ITPRID1: variants seen among roughly 807,000 people sequenced by gnomAD.
The protein encoded by ITPRID1 is protein ITPRID1.
In ITPRID1, 96 loss-of-function variants were observed where a neutral mutation model predicts 95.4. The observed-to-expected ratio is 1.01, with a 90% CI of 0.85 to 1.19. The LOEUF (loss-of-function observed/expected upper bound fraction) is 1.19, where lower values mean the gene tolerates loss of function less well. Ranked by LOEUF, ITPRID1 falls within the 50% of genes most tolerant of loss-of-function variation. The pLI, the probability that ITPRID1 is intolerant of heterozygous loss-of-function variation, is 0.00. For missense variants in ITPRID1, 1,339 were observed against 1,252.9 expected (o/e 1.07, Z -1.04); for synonymous variants, 510 against 453.6 (o/e 1.12, Z -1.58).
chr7:31,569,646 T>A (rs941295773), intron 5 of ITPRID1, 112 bp from the exon 6 acceptor site: 1 of 858,152 alleles, frequency 1.2e-6, no homozygotes, highest in African/African-American at 1.7e-5. Flanking sequence ...TTCATGCCTA[T>A]ATAACCTTGG....
chr7:31,603,982 C>T (rs1786508633), intron 10 of ITPRID1, among the ~76,000 whole-genome samples: 1 of 152,162 alleles, frequency 6.6e-6, no homozygotes, highest in African/African-American at 2.4e-5. Flanking sequence ...TTGATGCCTG[C>T]CTTTACCATA....
chr7:31,626,392 G>T (rs1027001508), intron 10 of ITPRID1, among the ~76,000 whole-genome samples: 3 of 152,208 alleles, frequency 2.0e-5, no homozygotes, highest in Non-Finnish European at 4.4e-5. Flanking sequence ...GTTCTAAGAA[G>T]TGTCACTGAT....
At chr7:31,580,384 C>T (rs1163761487) in intron 9 of ITPRID1, among the ~76,000 whole-genome samples, 1 of 151,642 alleles carries the variant, frequency 6.6e-6, no homozygotes, top group Non-Finnish European at 1.5e-5. Flanking sequence ...AACCCATTGT[C>T]AAGCCTCGTC....
chr7:31,537,760 A>G (rs1342807254), intron 1 of ITPRID1, among the ~76,000 whole-genome samples: 1 of 152,170 alleles, frequency 6.6e-6, no homozygotes, highest in African/African-American at 2.4e-5. Flanking sequence ...TGAATTCACA[A>G]AATAAGAATG....
rs1011032442 is a variant in ITPRID1, at chr7:31,655,532, G to A, written c.*2703G>A. 1.3e-5 allele frequency among the ~76,000 whole-genome samples: 2 copies of A among 152,130 alleles called. No individual in the cohort carries two copies. The highest frequency in any genetic ancestry group is 2.9e-5 in the Non-Finnish European group (2 of 68,040). ...TACCCAGAAAGTACTTTTAGAATAA[G>A]CCAGAGAATGAGAGAGAAATCACAG... On this transcript the variant is annotated 3_prime_UTR_variant, in exon 15 of 15. Transcript: ENST00000615280.
chr7:31,540,284 A>G (rs1237051757), intron 1 of ITPRID1, among the ~76,000 whole-genome samples: 1 of 152,086 alleles, frequency 6.6e-6, no homozygotes, highest in South Asian at 2.1e-4. Flanking sequence ...ACCCTCAGTT[A>G]TTAGTTGTCA....
intron 10 of ITPRID1, among the ~76,000 whole-genome samples, chr7:31,624,670 T>C (rs1788271083): frequency 6.6e-6 from 1 of 150,388 alleles, no homozygotes; most frequent in East Asian, 1.9e-4. Context: ...ATAAAAACCC[T>C]AGAAGAAAAC....
At chr7:31,623,798 G>C (rs568204397) in intron 10 of ITPRID1, among the ~76,000 whole-genome samples, 3 of 152,086 alleles carry the variant, frequency 2.0e-5, no homozygotes, top group Admixed American at 1.3e-4. Flanking sequence ...AGGAAATAAA[G>C]GGTATTCAAT....
chr7:31,620,577 CAGAA>C (rs1210968249), intron 10 of ITPRID1, among the ~76,000 whole-genome samples: 2 of 151,172 alleles, frequency 1.3e-5, no homozygotes, highest in Non-Finnish European at 3.0e-5. Context: ...AACTAACAAA[CAGAA>C]AGGACATCCA....
chr7:31,574,740 A>G lies in ITPRID1; in HGVS notation c.596A>G (p.Tyr199Cys). 6.2e-7 allele frequency: 1 copy of G among 1,613,624 alleles called. No homozygotes were observed. The highest frequency in any genetic ancestry group is 8.5e-7 in the Non-Finnish European group (1 of 1,179,712). Residue 199 changes from tyrosine to cysteine, a missense_variant and splice_region_variant, in exon 8 of 15, where the codon TAC (tyrosine) becomes TGC (cysteine). Transcript: ENST00000615280. Reference protein sequence around the residue: ...QRMDIENPNLYGRFRQLEILD... With the variant: ...QRMDIENPNLCGRFRQLEILD... ...ATGGACATTGAGAACCCCAACTTGT[A>G]CGGTAAGCGAGGTGCCTGTGGCATT...
At chr7:31,595,458 C>G (rs1786048579) in intron 10 of ITPRID1, among the ~76,000 whole-genome samples, 1 of 152,014 alleles carries the variant, frequency 6.6e-6, no homozygotes, top group Admixed American at 6.6e-5. Context: ...ATCTTCCAAC[C>G]CCAAACAAAC....
At chr7:31,554,352 A>G (rs910833010) in intron 3 of ITPRID1, 123 bp from the exon 4 acceptor site, 142 of 1,414,216 alleles carry the variant, frequency 1.0e-4, no homozygotes, top group Non-Finnish European at 1.2e-4. Context: ...GAATATGCTT[A>G]TGGAAGGAAA....
intron 5 of ITPRID1, among the ~76,000 whole-genome samples, chr7:31,557,463 T>G (rs1444616366): frequency 6.6e-6 from 1 of 152,118 alleles, no homozygotes; most frequent in Non-Finnish European, 1.5e-5. Context: ...ACATGAGGCT[T>G]GGCCTTTTAT....
intron 1 of ITPRID1, among the ~76,000 whole-genome samples, chr7:31,519,616 C>CTATATATATATATATA (rs1340353008): frequency 1.0e-4 from 4 of 38,466 alleles, no homozygotes; most frequent in East Asian, 1.8e-3. Context: ...CTCTCTCTCT[C>CTATATATATATATATA]TCTCTATATA....
chr7:31,543,194 A>G (rs578255208), intron 1 of ITPRID1, among the ~76,000 whole-genome samples: 4 of 152,186 alleles, frequency 2.6e-5, no homozygotes, highest in African/African-American at 9.6e-5. Flanking sequence ...TTGAGAGGTA[A>G]TTATTCACCT....
chr7:31,625,553 A>G (rs1366843358), intron 10 of ITPRID1, among the ~76,000 whole-genome samples: 1 of 152,198 alleles, frequency 6.6e-6, no homozygotes, highest in East Asian at 1.9e-4. Context: ...ATTCTCACTC[A>G]TAGGTGGGAA....
chr7:31,642,751 A>G lies in ITPRID1; in HGVS notation c.1381A>G (p.Ser461Gly). 1 of 1,614,020 alleles carries G rather than the reference A, an allele frequency of 6.2e-7. No homozygotes were observed. Among genetic ancestry groups the G allele is most frequent in the Non-Finnish European group, 8.5e-7 (1 of 1,179,886 alleles). Residue 461 changes from serine to glycine, a missense_variant, in exon 12 of 15, where the codon AGC becomes GGC. Ser to Gly is a moderately conservative substitution (Grantham distance 56). Transcript: ENST00000615280. ...GGRKPRDQSH[S>G]LVSSQDCQLE... is the part of the protein sequence containing the mutation. ...TAGAAAGCCAAGAGATCAGAGCCACAGCTTAGTATCATCCCAGGACTGTCA... is the reference window on the plus strand; with the variant it reads ...TAGAAAGCCAAGAGATCAGAGCCACGGCTTAGTATCATCCCAGGACTGTCA...
rs1009338037 is a variant in ITPRID1, at chr7:31,563,138, T to C, written c.257-6620T>C. Among the ~76,000 whole-genome samples, 48 of 151,918 alleles carry C rather than the reference T, an allele frequency of 3.2e-4. 1 individual carries two copies. The highest frequency in any genetic ancestry group is 1.2e-3 in the African/African-American group (48 of 41,412). ...GACTGGGAAGTCTCCTCAAAAGAGGTGAGACTGAAACTAGTAAATGAAGGA... is the reference window on the plus strand; with the variant it reads ...GACTGGGAAGTCTCCTCAAAAGAGGCGAGACTGAAACTAGTAAATGAAGGA... On this transcript the variant is annotated intron_variant, in intron 5 of 14. Coordinates refer to ENST00000615280, the MANE Select transcript of ITPRID1 (RefSeq NM_001257967.3).
intron 1 of ITPRID1, among the ~76,000 whole-genome samples, chr7:31,527,670 C>T (rs1333397545): frequency 6.6e-6 from 1 of 152,102 alleles, no homozygotes; most frequent in Non-Finnish European, 1.5e-5. Context: ...TTTTTCCAAA[C>T]CCTTGAAGCT....
Sources: allele counts gnomAD v4.1 joint callset (sites outside exome capture counted in the v4.1 genomes callset), GRCh38; gene constraint gnomAD v4.1.1; transcripts MANE v1.5; gene names NCBI Gene and HGNC (gene_info 2026-07-23, HGNC 2026-07-21).